The following CSMD3 variants were observed in gnomAD, a reference collection of about 807,000 sequenced individuals.
CSMD3 encodes the protein CUB and sushi domain-containing protein 3.
Under a neutral mutation model 435.2 loss-of-function variants are expected in CSMD3, and 177 were observed. The observed-to-expected ratio is 0.41, with a 90% CI of 0.36 to 0.46. The LOEUF is 0.46. Among genes scored for constraint, CSMD3 ranks in the 20% least tolerant of loss-of-function variants. CSMD3 has a pLI of 0.34. For synonymous variants in CSMD3, 1,656 were observed against 1,520.5 expected (o/e 1.09, Z -2.07); for missense variants, 4,265 against 4,504.6 (o/e 0.95, Z 1.52).
chr8:113,021,210 G>A (rs1402740539), intron 5 of CSMD3, among the ~76,000 whole-genome samples: 1 of 151,810 alleles, frequency 6.6e-6, no homozygotes, highest in Admixed American at 6.6e-5. Flanking sequence ...TCTGAATTTA[G>A]TTAACAAAAA....
At chr8:113,123,863 T>C (rs544901179) in intron 4 of CSMD3, among the ~76,000 whole-genome samples, 2 of 152,132 alleles carry the variant, frequency 1.3e-5, no homozygotes, top group African/African-American at 2.4e-5. Flanking sequence ...CCACCAACTA[T>C]ATATAAAATA....
At position 112,241,240 on chromosome 8, in the gene CSMD3, G is replaced by T. The variant is rs969700072; in HGVS notation, c.10468+480C>A. Among the ~76,000 whole-genome samples, 11 of 152,062 alleles carry T rather than the reference G, an allele frequency of 7.2e-5. No homozygotes were observed. In the South Asian group the frequency reaches 2.3e-3, roughly 32 times the overall value. ...AGTATATAAAATGAGATACATCAAG[G>T]TTGTAGGGCTTTAAAGTTTATGTTT... On this transcript the variant is annotated intron_variant, in intron 66 of 70. Coordinates refer to ENST00000297405, the MANE Select transcript of CSMD3 (RefSeq NM_198123.2).
At position 112,730,634 on chromosome 8, in the gene CSMD3, C is replaced by T. The variant is rs570541480; in HGVS notation, c.1973-40584G>A. ...CCCTGATGTTGATATGGGAAAACCC[C>T]GTTTTCTCAACTTGCTCACGGTATT... On this transcript the variant is annotated intron_variant, in intron 13 of 70. Transcript: ENST00000297405. Among the ~76,000 whole-genome samples the T allele has an allele frequency of 2.6e-5, 4 of 152,202 alleles. No individual in the cohort carries two copies. In the East Asian group the frequency reaches 7.7e-4, roughly 29 times the overall value.
At chr8:112,669,124 C>A (rs1250873338) in intron 16 of CSMD3, among the ~76,000 whole-genome samples, 1 of 151,946 alleles carries the variant, frequency 6.6e-6, no homozygotes, top group African/African-American at 2.4e-5. Context: ...CCTCTGCCTC[C>A]TGGGTTCAAA....
intron 10 of CSMD3, 46 bp from the exon 11 acceptor site, chr8:112,859,312 A>G (rs1048992237): frequency 3.3e-6 from 5 of 1,525,126 alleles, no homozygotes; most frequent in Admixed American, 3.4e-5. Flanking sequence ...TGTCACATGT[A>G]AAATTACAAC....
chr8:112,255,650 C>A (rs1301360229), intron 61 of CSMD3: 7 of 548,312 alleles, frequency 1.3e-5, no homozygotes, highest in Admixed American at 3.3e-5. Context: ...TCGATGTTTT[C>A]CACTTAGTAA....
intron 22 of CSMD3, among the ~76,000 whole-genome samples, chr8:112,624,978 T>G (rs367545287): frequency 6.6e-6 from 1 of 151,974 alleles, no homozygotes; most frequent in Non-Finnish European, 1.5e-5. Context: ...AGAAAGGCAT[T>G]GTAAGATCAA....
chr8:112,913,306 C>T (rs1056364146), intron 10 of CSMD3, among the ~76,000 whole-genome samples: 6 of 151,856 alleles, frequency 4.0e-5, no homozygotes, highest in African/African-American at 1.4e-4. Flanking sequence ...AACTAGATCC[C>T]TCACATGCAC....
At position 112,264,526 on chromosome 8, in the gene CSMD3, G is replaced by A. The variant is rs140722797; in HGVS notation, c.9689-714C>T. Among the ~76,000 whole-genome samples the A allele has an allele frequency of 1.7e-3, 257 of 152,044 alleles. 1 individual carries two copies. Among genetic ancestry groups the A allele is most frequent in the African/African-American group, 6.0e-3 (250 of 41,520 alleles). Reference sequence around the variant, plus strand: ...CATATCTGAATAGCTTTTTACAGTTGAGTAATATCTAATTCATATCAGTAT... The same window carrying A: ...CATATCTGAATAGCTTTTTACAGTTAAGTAATATCTAATTCATATCAGTAT... On this transcript the variant is annotated intron_variant, in intron 60 of 70. Transcript: ENST00000297405.
intron 5 of CSMD3, among the ~76,000 whole-genome samples, 173 bp from the exon 6 acceptor site, chr8:113,019,352 T>C (rs2086594821): frequency 6.6e-6 from 1 of 152,112 alleles, no homozygotes. Context: ...CACAGAATAG[T>C]GCAATTCCAA....
At chr8:112,609,201 C>CAAAA (rs71566035) in intron 22 of CSMD3, among the ~76,000 whole-genome samples, 474 of 42,956 alleles carry the variant, frequency 0.011, 46 homozygotes, top group Middle Eastern at 0.021. Flanking sequence ...GATACTGCCT[C>CAAAA]AAAAAAAAAA....
intron 32 of CSMD3, among the ~76,000 whole-genome samples, chr8:112,450,232 AT>A (rs941465450): frequency 3.9e-5 from 6 of 152,160 alleles, no homozygotes; most frequent in Non-Finnish European, 7.3e-5. Flanking sequence ...TGGAAGTCAG[AT>A]TTTCAAAGTA....
At chr8:112,442,633 A>T (rs1209462951) in intron 32 of CSMD3, among the ~76,000 whole-genome samples, 1 of 152,082 alleles carries the variant, frequency 6.6e-6, no homozygotes, top group African/African-American at 2.4e-5. Context: ...TTTAGTTTTA[A>T]GTAGGGCAAA....
intron 5 of CSMD3, among the ~76,000 whole-genome samples, chr8:113,096,617 T>C (rs1026784324): frequency 2.3e-4 from 35 of 152,060 alleles, no homozygotes; most frequent in Admixed American, 2.0e-3. Flanking sequence ...CTCAAGTGAA[T>C]TCACATTTCA....
At chr8:113,139,236 A>G (rs575735445) in intron 4 of CSMD3, among the ~76,000 whole-genome samples, 1 of 151,066 alleles carries the variant, frequency 6.6e-6, no homozygotes, top group Non-Finnish European at 1.5e-5. Context: ...AAAATTTGAA[A>G]TATTAGAAGG....
At chr8:113,009,211 T>C (rs987341429) in intron 6 of CSMD3, among the ~76,000 whole-genome samples, 3 of 151,690 alleles carry the variant, frequency 2.0e-5, no homozygotes, top group Non-Finnish European at 2.9e-5. Context: ...ACGGGAATGA[T>C]AAATGGGGAT....
chr8:112,784,071 T>G lies in CSMD3; in HGVS notation c.1972+16091A>C, dbSNP rs572879219. ...ATCAACAAAGAAACACTGGACTTAATTAGCAGGATAAGCCAAATGGTCCTA... is the reference window on the plus strand; with the variant it reads ...ATCAACAAAGAAACACTGGACTTAAGTAGCAGGATAAGCCAAATGGTCCTA... On this transcript the variant is annotated intron_variant, in intron 13 of 70. Transcript: ENST00000297405. Among the ~76,000 whole-genome samples the G allele has an allele frequency of 1.1e-3, 173 of 152,122 alleles. 1 individual carries two copies. Among genetic ancestry groups the G allele is most frequent in the African/African-American group, 4.1e-3 (171 of 41,558 alleles).
intron 30 of CSMD3, among the ~76,000 whole-genome samples, chr8:112,494,280 CCTCT>C (rs948325528): frequency 1.4e-4 from 21 of 150,592 alleles, no homozygotes; most frequent in African/African-American, 4.4e-4. Flanking sequence ...TTCCTTCCTT[CCTCT>C]CTCTCTCACT....
At chr8:112,999,988 G>A (rs780912260) in intron 6 of CSMD3, among the ~76,000 whole-genome samples, 1 of 151,960 alleles carries the variant, frequency 6.6e-6, no homozygotes, top group African/African-American at 2.4e-5. Flanking sequence ...AGTTTCTGAA[G>A]ACATGAGCTG....
Sources: gnomAD v4.1 joint callset for allele counts (sites outside exome capture counted in the v4.1 genomes callset) on GRCh38, gnomAD v4.1.1 for gene constraint, MANE v1.5 for transcripts, NCBI Gene and HGNC (gene_info 2026-07-23, HGNC 2026-07-21) for gene names.